CLSTN2: variants seen among roughly 807,000 people sequenced by gnomAD.
CLSTN2 encodes calsyntenin 2.
CLSTN2 carries 48 observed loss-of-function variants against 101.2 expected under a neutral mutation model. The observed-to-expected ratio is 0.47, with a 90% CI of 0.38 to 0.60. The LOEUF (loss-of-function observed/expected upper bound fraction) is 0.60. Ranked by LOEUF, CLSTN2 falls within the 20% of genes least tolerant of loss-of-function variation. CLSTN2 has a pLI of 0.00. For synonymous variants in CLSTN2, 481 were observed against 463.6 expected, an observed-to-expected ratio of 1.04 and a Z score of -0.48; for missense variants, 1,160 against 1,238.2, an observed-to-expected ratio of 0.94 and a Z score of 0.95.
chr3:140,040,175 C>T (rs1186538136), intron 1 of CLSTN2, among the ~76,000 whole-genome samples: 1 of 152,138 alleles, frequency 6.6e-6, no homozygotes, highest in African/African-American at 2.4e-5. Context: ...AGTAGCTGTA[C>T]CTTTCTTTTC....
chr3:140,464,320 A>C (rs1328287873), intron 7 of CLSTN2, among the ~76,000 whole-genome samples: 1 of 152,182 alleles, frequency 6.6e-6, no homozygotes, highest in Admixed American at 6.5e-5. Context: ...ATCTATTTTA[A>C]CTGGATGAGA....
chr3:140,351,557 C>T (rs949220436), intron 2 of CLSTN2, among the ~76,000 whole-genome samples: 4 of 152,164 alleles, frequency 2.6e-5, no homozygotes, highest in African/African-American at 7.2e-5. Context: ...TTAGGGCCCA[C>T]GTAGTAAATG....
At chr3:140,008,555 C>T (rs1326077276) in intron 1 of CLSTN2, among the ~76,000 whole-genome samples, 3 of 152,214 alleles carry the variant, frequency 2.0e-5, no homozygotes, top group Non-Finnish European at 4.4e-5. Context: ...TGTGGGGGTC[C>T]TCCGGGGCCC....
chr3:140,377,423 G>A (rs149725032), intron 2 of CLSTN2, among the ~76,000 whole-genome samples: 1 of 152,272 alleles, frequency 6.6e-6, no homozygotes, highest in East Asian at 1.9e-4. Flanking sequence ...TTCAGAAGAA[G>A]GCATTGTTGT....
chr3:140,535,264 G>A (rs1256731015), intron 9 of CLSTN2, among the ~76,000 whole-genome samples: 1 of 152,210 alleles, frequency 6.6e-6, no homozygotes, highest in Non-Finnish European at 1.5e-5. Context: ...TGGGGCAGAT[G>A]TTATAAGGGC....
intron 1 of CLSTN2, among the ~76,000 whole-genome samples, chr3:140,032,238 CTTT>C (rs62708360): frequency 1.4e-5 from 2 of 143,420 alleles, no homozygotes; most frequent in Non-Finnish European, 1.5e-5. Context: ...CACATGTAAC[CTTT>C]TTTTTTTTTT....
chr3:140,263,223 A>G (rs1458538905), intron 2 of CLSTN2, among the ~76,000 whole-genome samples: 3 of 152,180 alleles, frequency 2.0e-5, no homozygotes, highest in Admixed American at 1.3e-4. Context: ...CTCCAGTTGC[A>G]GAAACAACTG....
At chr3:140,167,322 G>A (rs866678227) in intron 1 of CLSTN2, among the ~76,000 whole-genome samples, 7 of 152,130 alleles carry the variant, frequency 4.6e-5, no homozygotes, top group African/African-American at 1.7e-4. Flanking sequence ...TCTTCTGCCT[G>A]GAGCCCTCCA....
chr3:140,495,930 T>C (rs1312147981), intron 8 of CLSTN2, among the ~76,000 whole-genome samples: 1 of 152,236 alleles, frequency 6.6e-6, no homozygotes, highest in East Asian at 1.9e-4. Flanking sequence ...TTTCTTAGGA[T>C]CGTCTTGGCT....
In CLSTN2 at chr3:140,121,287, C is replaced by T. The variant is rs145970953; in HGVS notation, c.110-54664C>T. Among the ~76,000 whole-genome samples, 16 of 152,250 alleles carry T rather than the reference C, an allele frequency of 1.1e-4. No homozygotes were observed. The East Asian group carries it at 3.1e-3, about 29-fold the overall frequency. ...CACGGGAAGAGAGCTGGGGCCATAA[C>T]ACCCCAATTTCCTCTCACGTGAAAT... On this transcript the variant is annotated intron_variant, in intron 1 of 16. Coordinates refer to ENST00000458420, the MANE Select transcript of CLSTN2 (RefSeq NM_022131.3).
intron 8 of CLSTN2, among the ~76,000 whole-genome samples, chr3:140,530,013 T>C (rs1397322905): frequency 6.6e-6 from 1 of 152,182 alleles, no homozygotes; most frequent in Admixed American, 6.5e-5. Flanking sequence ...GAAAAAAACA[T>C]TGATAATATG....
At chr3:140,295,871 T>C (rs144555176) in intron 2 of CLSTN2, among the ~76,000 whole-genome samples, 2 of 152,344 alleles carry the variant, frequency 1.3e-5, no homozygotes, top group East Asian at 3.9e-4. Flanking sequence ...GATTACTCTT[T>C]AGAGCCTTTT....
intron 2 of CLSTN2, among the ~76,000 whole-genome samples, chr3:140,235,627 G>A (rs1027634359): frequency 6.6e-6 from 1 of 152,140 alleles, no homozygotes; most frequent in Non-Finnish European, 1.5e-5. Context: ...ACTATTCTCT[G>A]GTGAGAAACC....
At chr3:140,279,986 T>C (rs1302933855) in intron 2 of CLSTN2, among the ~76,000 whole-genome samples, 1 of 152,152 alleles carries the variant, frequency 6.6e-6, no homozygotes, top group East Asian at 1.9e-4. Context: ...CTCTTGTCAG[T>C]CCCCAGCCAG....
chr3:139,963,717 A>ATGTT (rs943325977), intron 1 of CLSTN2, among the ~76,000 whole-genome samples: 1 of 151,976 alleles, frequency 6.6e-6, no homozygotes, highest in East Asian at 1.9e-4. Flanking sequence ...TGTCAGTTTC[A>ATGTT]TGTTTGTTTG....
intron 2 of CLSTN2, among the ~76,000 whole-genome samples, chr3:140,221,036 A>C (rs1286725535): frequency 1.3e-5 from 2 of 152,358 alleles, no homozygotes; most frequent in Non-Finnish European, 2.9e-5. Flanking sequence ...TCTAGGCAGA[A>C]ACATTCTGCT....
intron 1 of CLSTN2, among the ~76,000 whole-genome samples, chr3:140,047,779 C>T (rs923589351): frequency 1.1e-4 from 17 of 152,172 alleles, no homozygotes; most frequent in African/African-American, 3.9e-4. Context: ...CCCACCATAA[C>T]CCATTAGTTC....
intron 2 of CLSTN2, among the ~76,000 whole-genome samples, chr3:140,347,189 A>C (rs1368942895): frequency 6.6e-6 from 1 of 152,224 alleles, no homozygotes; most frequent in Non-Finnish European, 1.5e-5. Flanking sequence ...ATGGAGTAAA[A>C]TGTGTTATTT....
chr3:140,229,082 C>G (rs1480920963), intron 2 of CLSTN2, among the ~76,000 whole-genome samples: 1 of 152,098 alleles, frequency 6.6e-6, no homozygotes, highest in Non-Finnish European at 1.5e-5. Flanking sequence ...GGAACCTGAG[C>G]CCCACCATAG....
Sources: gnomAD v4.1 joint callset for allele counts (sites outside exome capture counted in the v4.1 genomes callset) on GRCh38, gnomAD v4.1.1 for gene constraint, MANE v1.5 for transcripts, NCBI Gene and HGNC (gene_info 2026-07-23, HGNC 2026-07-21) for gene names.